Variants in TPP2 observed in about 807,000 individuals in gnomAD.
TPP2 encodes tripeptidyl peptidase 2, also known as tripeptidyl-peptidase 2.
Under a neutral mutation model 155.9 loss-of-function variants are expected in TPP2, and 34 were observed. That is an observed-to-expected ratio of 0.22 (90% CI 0.17 to 0.29). The LOEUF is 0.29. TPP2 is among the 10% of genes least tolerant of loss of function. The pLI is 1.00. For synonymous variants in TPP2, 510 were observed against 529.4 expected, an observed-to-expected ratio of 0.96 and a Z score of 0.50; for missense variants, 1,028 against 1,522.3, an observed-to-expected ratio of 0.68 and a Z score of 5.40.
intron 10 of TPP2, among the ~76,000 whole-genome samples, chr13:102,632,805 A>G (rs1882107767): frequency 6.6e-6 from 1 of 152,160 alleles, no homozygotes; most frequent in African/African-American, 2.4e-5. Context: ...CCTTTTAGTC[A>G]TTCTTCCATG....
intron 2 of TPP2, among the ~76,000 whole-genome samples, chr13:102,605,388 T>C (rs1879743361): frequency 6.6e-6 from 1 of 152,210 alleles, no homozygotes; most frequent in African/African-American, 2.4e-5. Context: ...ATCACTTGAC[T>C]ATATTGAGCT....
At chr13:102,602,923 C>CGTTTTTT (rs980646398) in intron 1 of TPP2, among the ~76,000 whole-genome samples, 1 of 149,526 alleles carries the variant, frequency 6.7e-6, no homozygotes, top group Admixed American at 6.6e-5. Flanking sequence ...TTTTGTTTTT[C>CGTTTTTT]GTTTTTTGTT....
rs777568161 is a variant in TPP2 at position 102,604,923 on chromosome 13, T to TGA, written c.294+5_294+6dup. Reference sequence around the variant, plus strand: ...GGCCTTTCAGGAAGAGTGCTTAAGGTGAGACCTTTTGTCTTCTTTTTGAAT... The same window carrying TGA: ...GGCCTTTCAGGAAGAGTGCTTAAGGTGAGAGACCTTTTGTCTTCTTTTTGAAT... On this transcript the variant is annotated splice_region_variant and intron_variant, in intron 2 of 29. Transcript: ENST00000376052. 1 of 1,602,412 alleles carries TGA rather than the reference T, an allele frequency of 6.2e-7. No individual in the cohort carries two copies. The highest frequency in any genetic ancestry group is 1.8e-5 in the Admixed American group (1 of 57,100).
intron 10 of TPP2, 87 bp from the exon 11 acceptor site, chr13:102,633,863 T>C: frequency 6.4e-7 from 1 of 1,571,636 alleles, no homozygotes; most frequent in Non-Finnish European, 8.7e-7. Context: ...TGTTATACTA[T>C]TGGATTTAAC....
At chr13:102,638,172 TAGAC>T in intron 14 of TPP2, 63 bp from the exon 15 acceptor site, 1 of 1,445,216 alleles carries the variant, frequency 6.9e-7, no homozygotes, top group Non-Finnish European at 9.7e-7. Context: ...GTCAGTAGTT[TAGAC>T]CTTCCCCCGC....
chr13:102,616,870 A>T (rs1459935178), intron 4 of TPP2, among the ~76,000 whole-genome samples: 1 of 151,268 alleles, frequency 6.6e-6, no homozygotes, highest in Non-Finnish European at 1.5e-5. Context: ...GCCTATTTTG[A>T]TTTGTGTAAA....
intron 23 of TPP2, among the ~76,000 whole-genome samples, chr13:102,650,078 T>A (rs1006183229): frequency 6.6e-6 from 1 of 152,170 alleles, no homozygotes; most frequent in Admixed American, 6.5e-5. Flanking sequence ...ATGTTTCTGG[T>A]TGTTGTACTT....
At chr13:102,665,818 G>A (rs1254300903) in intron 27 of TPP2, among the ~76,000 whole-genome samples, 1 of 152,110 alleles carries the variant, frequency 6.6e-6, no homozygotes, top group Non-Finnish European at 1.5e-5. Flanking sequence ...GTTTCAGTCA[G>A]TATTTTTTTC....
At chr13:102,631,595 TTAA>T (rs1191298677) in intron 10 of TPP2, 1 of 152,236 alleles carries the variant, frequency 6.6e-6, no homozygotes, top group Non-Finnish European at 1.5e-5. Flanking sequence ...TAGAGAATGT[TTAA>T]ACCAGCCTTT....
At position 102,678,604 on chromosome 13, in the gene TPP2, A is replaced by C; in HGVS notation, c.*288A>C. The C allele has an allele frequency of 3.8e-6, 1 of 266,434 alleles. No homozygotes were observed. The highest frequency in any genetic ancestry group is 7.2e-6 in the Non-Finnish European group (1 of 139,020). 16.5% of individuals were successfully genotyped at this position (266,434 alleles called of 1,614,324 possible). ...AGTTGGGTTGCAGCTTATGACATGC[A>C]TGATAGGTTTTGGAAGGTAACTTTT... is the stretch of plus-strand genomic sequence containing the variant. On this transcript the variant is annotated 3_prime_UTR_variant, in exon 30 of 30. Transcript: ENST00000376052.
intron 16 of TPP2, 99 bp downstream of exon 16, chr13:102,640,475 G>T: frequency 1.1e-6 from 1 of 899,696 alleles, no homozygotes. Context: ...TATTTCCCTG[G>T]TACTAATATA....
At chr13:102,627,269 T>A in intron 7 of TPP2, 103 bp downstream of exon 7, 1 of 1,118,558 alleles carries the variant, frequency 8.9e-7, no homozygotes, top group Admixed American at 3.3e-5. Context: ...CATTGAACTA[T>A]ATATAGTGTA....
intron 21 of TPP2, among the ~76,000 whole-genome samples, chr13:102,648,429 CGTGTGTGTGTGTGTGTGTGTGTGT>C (rs56934655): frequency 2.0e-5 from 3 of 147,968 alleles, no homozygotes; most frequent in African/African-American, 5.0e-5. Context: ...ATAAGTTACA[CGTGTGTGTGTGTGTGTGTGTGTGT>C]GTGTGTGTGT....
At chr13:102,657,292 C>T (rs1044314935) in intron 25 of TPP2, 85 bp downstream of exon 25, 110 of 1,139,156 alleles carry the variant, frequency 9.7e-5, no homozygotes, top group Admixed American at 1.6e-4. Flanking sequence ...ATACATAGAC[C>T]GTATTTAAAA....
At chr13:102,624,996 A>T (rs1881477213) in intron 6 of TPP2, among the ~76,000 whole-genome samples, 2 of 149,114 alleles carry the variant, frequency 1.3e-5, no homozygotes, top group South Asian at 4.3e-4. Context: ...GGTAGCTGGG[A>T]TTACAGGCGC....
chr13:102,643,106 G>C (rs993109765), intron 16 of TPP2, 116 bp from the exon 17 acceptor site: 11 of 874,184 alleles, frequency 1.3e-5, no homozygotes, highest in Non-Finnish European at 1.7e-5. Context: ...TTTTATTTTT[G>C]ATCCCTATTA....
chr13:102,631,046 A>G (rs746080993), intron 10 of TPP2, among the ~76,000 whole-genome samples: 4 of 152,224 alleles, frequency 2.6e-5, no homozygotes, highest in Admixed American at 2.0e-4. Flanking sequence ...AAGGATGGAT[A>G]GGATGTTGAG....
intron 5 of TPP2, among the ~76,000 whole-genome samples, chr13:102,621,670 T>C (rs1434656352): frequency 6.6e-6 from 1 of 151,974 alleles, no homozygotes; most frequent in Non-Finnish European, 1.5e-5. Flanking sequence ...GAGTCAAATG[T>C]AGGGGCAGAG....
At chr13:102,604,607 G>A (rs1318602536) in intron 1 of TPP2, among the ~76,000 whole-genome samples, 186 bp from the exon 2 acceptor site, 1 of 152,196 alleles carries the variant, frequency 6.6e-6, no homozygotes, top group Non-Finnish European at 1.5e-5. Flanking sequence ...GAAGGATTCT[G>A]TAGTGTTTCC....
Sources: gnomAD v4.1 joint callset for allele counts (sites outside exome capture counted in the v4.1 genomes callset) on GRCh38, gnomAD v4.1.1 for gene constraint, MANE v1.5 for transcripts, NCBI Gene and HGNC (gene_info 2026-07-23, HGNC 2026-07-21) for gene names.